Variants in EVL observed in about 807,000 individuals in gnomAD.
EVL encodes the protein Enah/Vasp-like.
A neutral mutation model predicts 59.6 loss-of-function variants in EVL; 21 were observed. That is an observed-to-expected ratio of 0.35 (90% CI 0.25 to 0.51). The LOEUF (loss-of-function observed/expected upper bound fraction) is 0.51, where lower values mean the gene tolerates loss of function less well. EVL is among the 20% of genes least tolerant of loss of function. EVL has a pLI of 0.97. For synonymous variants in EVL, 198 were observed against 203.5 expected, an observed-to-expected ratio of 0.97 and a Z score of 0.23; for missense variants, 462 against 546.6, an observed-to-expected ratio of 0.85 and a Z score of 1.54.
intron 1 of EVL, among the ~76,000 whole-genome samples, chr14:100,036,756 A>G (rs2061394871): frequency 6.6e-6 from 1 of 152,192 alleles, no homozygotes; most frequent in Admixed American, 6.5e-5. Flanking sequence ...TCTTCTGTCT[A>G]GGTGTTTAAC....
At chr14:100,138,113 C>T (rs946564459) in intron 11 of EVL, 1 of 483,370 alleles carries the variant, frequency 2.1e-6, no homozygotes, top group Non-Finnish European at 3.7e-6. Context: ...TAGGGGACCT[C>T]TCCAAGCCTC....
At position 100,130,416 on chromosome 14, in the gene EVL, A is replaced by G. The variant is rs556317920; in HGVS notation, c.839+732A>G. Among the ~76,000 whole-genome samples, 15 of 152,316 alleles carry G rather than the reference A, an allele frequency of 9.8e-5. No individual in the cohort carries two copies. The highest frequency in any genetic ancestry group is 7.8e-4 in the Admixed American group (12 of 15,302). Reference sequence around the variant, plus strand: ...AATGTGCTCACCTTGGACTACCAATATCGTGGCTCACTTAGGCACCAGAGG... The same window carrying G: ...AATGTGCTCACCTTGGACTACCAATGTCGTGGCTCACTTAGGCACCAGAGG... On this transcript the variant is annotated intron_variant, in intron 7 of 13. Transcript: ENST00000392920. The surrounding 1 kb of genome is among the most constrained non-coding windows in gnomAD (Gnocchi z 4.8).
At chr14:100,061,437 G>A (rs1566990912), upstream of EVL, among the ~76,000 whole-genome samples, 2 of 55,868 alleles carry the variant, frequency 3.6e-5, no homozygotes, top group African/African-American at 7.3e-5. Flanking sequence ...AAAAAGAAAT[G>A]CTAAAGGAAG....
intron 1 of EVL, among the ~76,000 whole-genome samples, chr14:100,057,383 G>T (rs144563707): frequency 6.6e-6 from 1 of 152,192 alleles, no homozygotes; most frequent in South Asian, 2.1e-4. Context: ...CTGCTCAGCT[G>T]ACATCGGGGT....
chr14:100,140,951 C>G (rs1889127995), intron 11 of EVL: 3 of 490,492 alleles, frequency 6.1e-6, no homozygotes, highest in Non-Finnish European at 1.1e-5. Flanking sequence ...CCCCAGCCAG[C>G]CTTGGCTCTC....
chr14:100,020,230 G>A (rs548597991), intron 1 of EVL, among the ~76,000 whole-genome samples: 203 of 152,250 alleles, frequency 1.3e-3, no homozygotes, highest in African/African-American at 4.6e-3. Context: ...TTTGTTAACA[G>A]GGCTCTTTGC....
At chr14:100,134,782 TG>T (rs2140396117) in intron 8 of EVL, 1 of 152,324 alleles carries the variant, frequency 6.6e-6, no homozygotes, top group Non-Finnish European at 1.5e-5. Flanking sequence ...CCTGGGCCAA[TG>T]GAGTTACTGC....
In EVL at chr14:100,097,671, T is replaced by A; in HGVS notation, c.358+13T>A. 1.2e-6 allele frequency: 2 copies of A among 1,602,102 alleles called. No individual in the cohort carries two copies. Among genetic ancestry groups the A allele is most frequent in the South Asian group, 2.3e-5 (2 of 88,852 alleles). On this transcript the variant is annotated intron_variant, in intron 3 of 13. Coordinates refer to ENST00000392920, the MANE Select transcript of EVL (RefSeq NM_016337.3). Reference sequence around the variant, plus strand: ...TCCCAAGAAGGAGGTAAGTAGGGCTTTGTCTTGGCCTGATGCTGAGACCCT... The same window carrying A: ...TCCCAAGAAGGAGGTAAGTAGGGCTATGTCTTGGCCTGATGCTGAGACCCT...
At chr14:100,121,784 G>T (rs1887715342) in intron 3 of EVL, among the ~76,000 whole-genome samples, 1 of 152,200 alleles carries the variant, frequency 6.6e-6, no homozygotes, top group African/African-American at 2.4e-5. Flanking sequence ...CCTGACAAGG[G>T]TGGAAAACAG....
chr14:100,101,007 G>A (rs1194648758), intron 3 of EVL, among the ~76,000 whole-genome samples: 1 of 151,972 alleles, frequency 6.6e-6, no homozygotes, highest in Non-Finnish European at 1.5e-5. Flanking sequence ...GTCCATATTC[G>A]CATGCTTGTC....
At chr14:100,135,492 G>A (rs1029346613) in intron 8 of EVL, 10 of 173,476 alleles carry the variant, frequency 5.8e-5, no homozygotes, top group Admixed American at 2.3e-4. Flanking sequence ...TCCACTGTTC[G>A]AGCACTGCCA....
intron 3 of EVL, chr14:100,106,567 C>G (rs1483250094): frequency 3.3e-6 from 1 of 305,636 alleles, no homozygotes; most frequent in Non-Finnish European, 5.9e-6. Context: ...TAGACTGCTT[C>G]TCTTTTCTCT....
chr14:100,063,100 A>G (rs1214008013), upstream of EVL, among the ~76,000 whole-genome samples: 1 of 152,192 alleles, frequency 6.6e-6, no homozygotes, highest in Non-Finnish European at 1.5e-5. Flanking sequence ...CCTGCCTCTA[A>G]AAAAGTAAAT....
In EVL at chr14:99,972,201, T is replaced by G; in HGVS notation, c.5+144T>G. ...GAGAACCGCGGGGGCTCTGCAGAGA[T>G]TCGGGGGCATTCAGAGCGCGGGAAT... On this transcript the variant is annotated intron_variant, in intron 1 of 13. Transcript: ENST00000402714. This position sits in a 1 kb window ranked among gnomAD's most constrained non-coding sequence, Gnocchi z 4.4. 1.1e-5 allele frequency: 2 copies of G among 183,550 alleles called. No individual in the cohort carries two copies. Among genetic ancestry groups the G allele is most frequent in the Non-Finnish European group, 1.1e-5 (1 of 88,470 alleles). 11.4% of individuals were successfully genotyped at this position (183,550 alleles called of 1,614,324 possible).
intron 3 of EVL, among the ~76,000 whole-genome samples, chr14:100,103,640 G>A (rs1361628508): frequency 6.6e-6 from 1 of 152,096 alleles, no homozygotes; most frequent in Non-Finnish European, 1.5e-5. Context: ...GTGAGGATGA[G>A]GCGCCCCTTC....
intron 3 of EVL, among the ~76,000 whole-genome samples, chr14:100,104,166 A>G (rs1391646464): frequency 6.6e-6 from 1 of 152,192 alleles, no homozygotes. Context: ...TGACCTTTTC[A>G]GGTGGCACTG....
intron 1 of EVL, among the ~76,000 whole-genome samples, chr14:100,035,639 A>G (rs2061378325): frequency 6.6e-6 from 1 of 152,188 alleles, no homozygotes; most frequent in Admixed American, 6.5e-5. Context: ...TCAGTTTGAG[A>G]TTGTTCCAAT....
intron 1 of EVL, among the ~76,000 whole-genome samples, chr14:100,071,678 G>A (rs8003283): frequency 0.075 from 11,394 of 152,216 alleles, 691 homozygotes; most frequent in East Asian, 0.18. Flanking sequence ...AAAATAGTCA[G>A]TTGTATGGCT....
chr14:100,098,999 T>G (rs539872442), intron 3 of EVL, among the ~76,000 whole-genome samples: 1 of 151,712 alleles, frequency 6.6e-6, no homozygotes, highest in South Asian at 2.1e-4. Context: ...AGAATTGAGG[T>G]GGGAAATGAA....
Sources: gnomAD v4.1 joint callset for allele counts (sites outside exome capture counted in the v4.1 genomes callset) on GRCh38, gnomAD v4.1.1 for gene constraint, Gnocchi (gnomAD v3.1) non-coding constraint, MANE v1.5 for transcripts, NCBI Gene and HGNC (gene_info 2026-07-23, HGNC 2026-07-21) for gene names.